Variants in GALNTL6 observed in about 807,000 individuals in gnomAD.
The protein encoded by GALNTL6 is polypeptide N-acetylgalactosaminyltransferase like 6.
Under a neutral mutation model 73.7 loss-of-function variants are expected in GALNTL6, and 46 were observed. The ratio of observed to expected loss-of-function variants is 0.62; its 90% confidence interval spans 0.49 to 0.80. The LOEUF (loss-of-function observed/expected upper bound fraction) is 0.80. GALNTL6 is among the 30% of genes least tolerant of loss of function. GALNTL6 has a pLI of 0.00. For missense variants in GALNTL6, 604 were observed against 755.0 expected, an observed-to-expected ratio of 0.80 and a Z score of 2.34; for synonymous variants, 259 against 263.7, an observed-to-expected ratio of 0.98 and a Z score of 0.17.
chr4:172,562,942 A>C (rs575914795), intron 5 of GALNTL6, among the ~76,000 whole-genome samples: 1 of 152,130 alleles, frequency 6.6e-6, no homozygotes, highest in Non-Finnish European at 1.5e-5. Flanking sequence ...GTTAGTATTT[A>C]TCTCTTCCTT....
chr4:172,089,459 G>T (rs1385916456), intron 2 of GALNTL6, among the ~76,000 whole-genome samples: 1 of 152,130 alleles, frequency 6.6e-6, no homozygotes, highest in African/African-American at 2.4e-5. Context: ...GTTTCAGTTT[G>T]CAGGGCTTTA....
chr4:172,590,838 C>G (rs1185978489), intron 5 of GALNTL6, among the ~76,000 whole-genome samples: 1 of 151,994 alleles, frequency 6.6e-6, no homozygotes, highest in African/African-American at 2.4e-5. Context: ...CCTGTAAAAT[C>G]CAATAATATT....
chr4:171,896,780 T>C (rs1025058632), intron 2 of GALNTL6, among the ~76,000 whole-genome samples: 4 of 152,170 alleles, frequency 2.6e-5, no homozygotes, highest in Admixed American at 6.6e-5. Context: ...GACAAAAACA[T>C]TCAGTCTGCA....
At chr4:172,832,080 G>A (rs763027783) in intron 7 of GALNTL6, among the ~76,000 whole-genome samples, 1 of 152,120 alleles carries the variant, frequency 6.6e-6, no homozygotes, top group Non-Finnish European at 1.5e-5. Context: ...CTTTCGGCAA[G>A]GATAAAGCCC....
chr4:172,943,095 C>CTT (rs201726639), intron 9 of GALNTL6, among the ~76,000 whole-genome samples: 13 of 142,348 alleles, frequency 9.1e-5, no homozygotes, highest in Middle Eastern at 3.7e-3. Flanking sequence ...TCCTATTATC[C>CTT]TTTTTTTTTT....
At chr4:172,546,721 T>A (rs1456341959) in intron 5 of GALNTL6, among the ~76,000 whole-genome samples, 1 of 146,030 alleles carries the variant, frequency 6.8e-6, no homozygotes, top group Non-Finnish European at 1.5e-5. Flanking sequence ...TAGATTCAAG[T>A]GTGTTAGAAG....
intron 3 of GALNTL6, among the ~76,000 whole-genome samples, chr4:172,244,561 A>G (rs866787189): frequency 1.1e-4 from 16 of 152,180 alleles, no homozygotes; most frequent in African/African-American, 3.4e-4. Flanking sequence ...GAATAATAGC[A>G]ACTATCACAG....
chr4:172,404,060 G>A (rs1195934337), intron 5 of GALNTL6, among the ~76,000 whole-genome samples: 1 of 151,742 alleles, frequency 6.6e-6, no homozygotes, highest in Non-Finnish European at 1.5e-5. Context: ...CTTATTATCT[G>A]GATGATCTTT....
At chr4:172,157,304 G>A (rs1873568) in intron 2 of GALNTL6, among the ~76,000 whole-genome samples, 71,064 of 151,852 alleles carry the variant, frequency 0.47, 17,492 homozygotes, top group African/African-American at 0.62. Context: ...ATGATTCAGT[G>A]GTGACTAGGA....
chr4:172,325,384 A>G (rs1434597565), intron 4 of GALNTL6, among the ~76,000 whole-genome samples: 15 of 151,996 alleles, frequency 9.9e-5, no homozygotes, highest in Non-Finnish European at 1.8e-4. Context: ...AAAGAAACAC[A>G]TGCTTCTCTC....
intron 10 of GALNTL6, among the ~76,000 whole-genome samples, chr4:173,001,822 T>C (rs1487041007): frequency 6.6e-6 from 1 of 152,122 alleles, no homozygotes; most frequent in East Asian, 1.9e-4. Context: ...GAAATACCAG[T>C]TTACATCCAC....
intron 9 of GALNTL6, among the ~76,000 whole-genome samples, chr4:172,948,866 T>C (rs1249578423): frequency 1.3e-5 from 2 of 152,150 alleles, no homozygotes; most frequent in Non-Finnish European, 2.9e-5. Flanking sequence ...TAGTTAACTA[T>C]ACTAAAGCCT....
At chr4:172,909,736 G>A (rs1747098947) in intron 8 of GALNTL6, among the ~76,000 whole-genome samples, 1 of 152,042 alleles carries the variant, frequency 6.6e-6, no homozygotes, top group Non-Finnish European at 1.5e-5. Context: ...GTTTCAAGAT[G>A]TAAAATGTGT....
intron 7 of GALNTL6, among the ~76,000 whole-genome samples, chr4:172,868,336 C>CT (rs1170798376): frequency 1.3e-5 from 2 of 152,156 alleles, no homozygotes; most frequent in Non-Finnish European, 2.9e-5. Context: ...CTTTTTCACA[C>CT]TTTATCTTCT....
chr4:172,205,194 T>C (rs952841036), intron 2 of GALNTL6, among the ~76,000 whole-genome samples: 10 of 152,178 alleles, frequency 6.6e-5, no homozygotes, highest in African/African-American at 2.2e-4. Context: ...ATGTAAAGGA[T>C]AAAACATCTG....
intron 2 of GALNTL6, among the ~76,000 whole-genome samples, chr4:172,001,756 C>T (rs931205150): frequency 2.0e-5 from 3 of 152,096 alleles, no homozygotes; most frequent in African/African-American, 7.2e-5. Flanking sequence ...TAAGATAAAG[C>T]TGCTTCAGGT....
At chr4:172,456,418 A>G (rs1267211971) in intron 5 of GALNTL6, among the ~76,000 whole-genome samples, 5 of 152,010 alleles carry the variant, frequency 3.3e-5, no homozygotes, top group African/African-American at 7.2e-5. Context: ...CTAAAGGAGC[A>G]TGTTCTAACC....
chr4:172,055,657 T>A (rs952469069), intron 2 of GALNTL6, among the ~76,000 whole-genome samples: 1 of 152,122 alleles, frequency 6.6e-6, no homozygotes, highest in African/African-American at 2.4e-5. Context: ...CTGCTAGGCT[T>A]TAAGCTGAGC....
rs1018482312 is a variant in GALNTL6, at chr4:172,735,938, A to G, written c.554-73423A>G. 1.2e-4 allele frequency among the ~76,000 whole-genome samples: 19 copies of G among 152,334 alleles called. No individual in the cohort carries two copies. The East Asian group carries it at 3.7e-3, about 29-fold the overall frequency. On this transcript the variant is annotated intron_variant, in intron 5 of 12. Coordinates refer to ENST00000506823, the MANE Select transcript of GALNTL6 (RefSeq NM_001034845.3). ...TGCCCCTTGAGCCACAAAACCAGCA[A>G]GTTTTTATTAGGGTTTTCAAAAGGG...
Sources: allele counts gnomAD v4.1 joint callset (sites outside exome capture counted in the v4.1 genomes callset), GRCh38; gene constraint gnomAD v4.1.1; transcripts MANE v1.5; gene names NCBI Gene and HGNC (gene_info 2026-07-23, HGNC 2026-07-21).